Variants in RAB27B observed in about 807,000 individuals in gnomAD.
RAB27B encodes the protein RAB27B, member RAS oncogene family.
A neutral mutation model predicts 24.6 loss-of-function variants in RAB27B; 15 were observed. The observed-to-expected ratio is 0.61, with a 90% CI of 0.41 to 0.94. RAB27B has a LOEUF of 0.94. Ranked by LOEUF, RAB27B falls within the 40% of genes least tolerant of loss-of-function variation. The pLI, the probability that RAB27B is intolerant of heterozygous loss-of-function variation, is 0.00. For missense variants in RAB27B, 261 were observed against 266.8 expected (o/e 0.98, Z 0.15); for synonymous variants, 105 against 92.5 (o/e 1.14, Z -0.78).
chr18:54,849,417 A>G (rs1911465641), intron 1 of RAB27B, among the ~76,000 whole-genome samples: 1 of 152,154 alleles, frequency 6.6e-6, no homozygotes, highest in South Asian at 2.1e-4. Flanking sequence ...CAGCACCTGC[A>G]CTATAAAGAA....
chr18:54,800,927 A>G lies in RAB27B; in HGVS notation c.-19-76640A>G, dbSNP rs540550127. 4.2e-4 allele frequency among the ~76,000 whole-genome samples: 63 copies of G among 151,410 alleles called. 2 individuals are homozygous for G. In the South Asian group the frequency reaches 0.013, roughly 30 times the overall value. ...ATCTGCAATGGCAAACCATCAATCC[A>G]TGGGCCAGATCCAGACCACTAAATT... is the stretch of plus-strand genomic sequence containing the variant. On this transcript the variant is annotated intron_variant, in intron 2 of 4. Coordinates refer to the RAB27B transcript ENST00000586570.
chr18:54,722,319 A>G (rs1909385260), intron 2 of RAB27B, among the ~76,000 whole-genome samples: 1 of 152,192 alleles, frequency 6.6e-6, no homozygotes, highest in South Asian at 2.1e-4. Context: ...AGCCTCAGCT[A>G]GGATCTTTGT....
At chr18:54,739,041 A>G (rs1342505148) in intron 2 of RAB27B, among the ~76,000 whole-genome samples, 1 of 152,222 alleles carries the variant, frequency 6.6e-6, no homozygotes, top group Non-Finnish European at 1.5e-5. Flanking sequence ...ATATAAATGC[A>G]TCATACAATA....
At position 54,828,690 on chromosome 18, in the gene RAB27B, T is replaced by TTC. The variant is rs1910561090; in HGVS notation, c.-29_-28dup. ...ACACCTGCTCTCCCGGCAAGGAAAC[T>TTC]TCGCAGGCTGGTGAGTTGGGAAGGC... On this transcript the variant is annotated 5_prime_UTR_variant, in exon 1 of 6. Transcript: ENST00000262094. 1 of 152,266 alleles carries TTC rather than the reference T, an allele frequency of 6.6e-6. No homozygotes were observed. Among genetic ancestry groups the TTC allele is most frequent in the Non-Finnish European group, 1.5e-5 (1 of 68,080 alleles). The allele number at this position is 152,266 out of a possible 1,614,324, so 9.4% of individuals were successfully genotyped here.
intron 2 of RAB27B, among the ~76,000 whole-genome samples, chr18:54,788,926 TGAA>T (rs1419698979): frequency 6.6e-6 from 1 of 152,222 alleles, no homozygotes; most frequent in Non-Finnish European, 1.5e-5. Context: ...GTCACTTGGA[TGAA>T]GAATATGTGT....
intron 1 of RAB27B, among the ~76,000 whole-genome samples, chr18:54,850,333 G>GATATATATATAT (rs35735191): frequency 0.031 from 2,977 of 94,710 alleles, 136 homozygotes; most frequent in South Asian, 0.065. Context: ...AAACAAACAG[G>GATATATATATAT]ATATATATAT....
intron 2 of RAB27B, among the ~76,000 whole-genome samples, chr18:54,739,456 CAA>C (rs34119736): frequency 0.025 from 2,317 of 94,486 alleles, 66 homozygotes; most frequent in African/African-American, 0.078. Flanking sequence ...AACTCCATCT[CAA>C]AAAAAAAAAA....
chr18:54,729,715 A>G (rs1909669650), intron 2 of RAB27B, among the ~76,000 whole-genome samples: 1 of 152,184 alleles, frequency 6.6e-6, no homozygotes, highest in Non-Finnish European at 1.5e-5. Flanking sequence ...ACAACAACAA[A>G]AACTTAGTAA....
chr18:54,875,342 T>A (rs1280877827), intron 1 of RAB27B, among the ~76,000 whole-genome samples: 2 of 152,198 alleles, frequency 1.3e-5, no homozygotes, highest in South Asian at 2.1e-4. Flanking sequence ...AAAACAAATT[T>A]TTTTTTGGAG....
chr18:54,876,292 A>C (rs1414845511), intron 1 of RAB27B, among the ~76,000 whole-genome samples: 1 of 152,152 alleles, frequency 6.6e-6, no homozygotes, highest in East Asian at 1.9e-4. Context: ...GGGGATTACA[A>C]TTCAAGATGA....
Position 54,889,508 on chromosome 18 carries a change from C to T in RAB27B, c.*95C>T. The T allele has an allele frequency of 3.7e-6, 4 of 1,093,392 alleles. No individual in the cohort carries two copies. The highest frequency in any genetic ancestry group is 3.8e-6 in the Non-Finnish European group (3 of 784,604). The allele number at this position is 1,093,392 out of a possible 1,614,324, so 67.7% of individuals were successfully genotyped here. ...CAATTGTTGTTGAGTAAACCACGCA[C>T]AATGGCATGTCTTTCTTTTTCTGCC... On this transcript the variant is annotated 3_prime_UTR_variant, in exon 6 of 6. Transcript: ENST00000262094.
chr18:54,728,504 C>A (rs1301796693), intron 2 of RAB27B, among the ~76,000 whole-genome samples: 1 of 152,102 alleles, frequency 6.6e-6, no homozygotes, highest in Admixed American at 6.5e-5. Context: ...CAAGTGAAAA[C>A]TAAACAAATT....
intron 2 of RAB27B, among the ~76,000 whole-genome samples, chr18:54,732,873 T>G (rs1909770016): frequency 1.3e-5 from 2 of 152,300 alleles, no homozygotes; most frequent in South Asian, 4.2e-4. Flanking sequence ...ATAGTAACCT[T>G]GATACAAACT....
At chr18:54,835,041 G>A (rs1011953991) in intron 1 of RAB27B, among the ~76,000 whole-genome samples, 3 of 151,906 alleles carry the variant, frequency 2.0e-5, no homozygotes, top group East Asian at 3.9e-4. Flanking sequence ...AGCCTGAGAA[G>A]TTCATTAAAT....
chr18:54,858,707 A>G (rs761913409), intron 1 of RAB27B, among the ~76,000 whole-genome samples: 17 of 152,058 alleles, frequency 1.1e-4, no homozygotes, highest in Non-Finnish European at 2.5e-4. Context: ...TAGCTATTAA[A>G]AATCCCCTTC....
At chr18:54,775,879 C>T (rs1413593200) in intron 2 of RAB27B, among the ~76,000 whole-genome samples, 1 of 152,198 alleles carries the variant, frequency 6.6e-6, no homozygotes, top group African/African-American at 2.4e-5. Context: ...ACATCATCCA[C>T]CTACTGGGCG....
At chr18:54,767,975 T>C (rs1288852475) in intron 2 of RAB27B, among the ~76,000 whole-genome samples, 2 of 152,074 alleles carry the variant, frequency 1.3e-5, no homozygotes, top group Non-Finnish European at 2.9e-5. Flanking sequence ...AAATAAGAGA[T>C]AGTCCCTTCT....
chr18:54,735,449 A>G (rs1042678940), intron 2 of RAB27B, among the ~76,000 whole-genome samples: 2 of 152,182 alleles, frequency 1.3e-5, no homozygotes, highest in African/African-American at 4.8e-5. Flanking sequence ...TAGACGATGC[A>G]TGGGTGACCA....
chr18:54,833,164 T>C (rs1414550281), intron 1 of RAB27B, among the ~76,000 whole-genome samples: 1 of 152,048 alleles, frequency 6.6e-6, no homozygotes, highest in Non-Finnish European at 1.5e-5. Context: ...TATTTTCACA[T>C]TGTTTGAAAC....
Sources: allele counts gnomAD v4.1 joint callset (sites outside exome capture counted in the v4.1 genomes callset), GRCh38; gene constraint gnomAD v4.1.1; transcripts MANE v1.5; gene names NCBI Gene and HGNC (gene_info 2026-07-23, HGNC 2026-07-21).